Variants in GABRA2 observed in about 807,000 individuals in gnomAD.
GABRA2 encodes gamma-aminobutyric acid type A receptor subunit alpha2, also known as gamma-aminobutyric acid receptor subunit alpha-2.
A neutral mutation model predicts 48.7 loss-of-function variants in GABRA2; 16 were observed. That is an observed-to-expected ratio of 0.33 (90% CI 0.22 to 0.50). GABRA2 has a LOEUF of 0.50. GABRA2 is among the 20% of genes least tolerant of loss of function. The pLI, the probability that GABRA2 is intolerant of heterozygous loss-of-function variation, is 0.98. For synonymous variants in GABRA2, 185 were observed against 184.5 expected (o/e 1.00, Z -0.02); for missense variants, 275 against 535.6 (o/e 0.51, Z 4.80).
chr4:46,265,651 T>G (rs1485771483), intron 8 of GABRA2, among the ~76,000 whole-genome samples: 1 of 151,310 alleles, frequency 6.6e-6, no homozygotes, highest in Non-Finnish European at 1.5e-5. Flanking sequence ...GTGTGGTAAT[T>G]TTTTCTATTT....
chr4:46,327,003 G>T (rs1730503857), intron 4 of GABRA2, among the ~76,000 whole-genome samples: 1 of 151,780 alleles, frequency 6.6e-6, no homozygotes, highest in African/African-American at 2.4e-5. Flanking sequence ...ACCCCACAGA[G>T]AACTTTTAAA....
intron 8 of GABRA2, among the ~76,000 whole-genome samples, chr4:46,294,079 C>A (rs1235012442): frequency 6.6e-6 from 1 of 152,196 alleles, no homozygotes; most frequent in Non-Finnish European, 1.5e-5. Context: ...CTTCAGCTGG[C>A]AAGGCCAGCA....
At chr4:46,274,133 C>A (rs1472210270) in intron 8 of GABRA2, among the ~76,000 whole-genome samples, 3 of 152,004 alleles carry the variant, frequency 2.0e-5, no homozygotes, top group African/African-American at 7.2e-5. Flanking sequence ...ATGAACATTT[C>A]TATGTATTAA....
At chr4:46,321,008 A>C (rs1729356944) in intron 4 of GABRA2, among the ~76,000 whole-genome samples, 2 of 151,968 alleles carry the variant, frequency 1.3e-5, no homozygotes, top group African/African-American at 4.8e-5. Context: ...TAAATTATTT[A>C]AACATAATAT....
intron 4 of GABRA2, among the ~76,000 whole-genome samples, chr4:46,328,735 C>T (rs902107745): frequency 6.6e-6 from 1 of 152,078 alleles, no homozygotes; most frequent in Non-Finnish European, 1.5e-5. Flanking sequence ...CCCACTAACT[C>T]GTCATCTAGC....
chr4:46,269,970 T>G (rs569051619), intron 8 of GABRA2, among the ~76,000 whole-genome samples: 3 of 152,056 alleles, frequency 2.0e-5, no homozygotes, highest in African/African-American at 7.2e-5. Flanking sequence ...TCTTGGAATA[T>G]CTGATGGTTG....
At chr4:46,376,517 G>A (rs1305650740) in intron 3 of GABRA2, among the ~76,000 whole-genome samples, 3 of 152,068 alleles carry the variant, frequency 2.0e-5, no homozygotes, top group East Asian at 1.9e-4. Flanking sequence ...TCACAACAGC[G>A]ATGGTTGAAA....
chr4:46,285,881 T>A (rs1227072631), intron 8 of GABRA2, among the ~76,000 whole-genome samples: 1 of 152,104 alleles, frequency 6.6e-6, no homozygotes, highest in African/African-American at 2.4e-5. Context: ...AGAAGATTCT[T>A]CTTACTCCTG....
Position 46,243,902 on chromosome 4 carries a change from T to G in GABRA2, c.*6406A>C, listed in dbSNP as rs1713223153. 1 of 151,618 alleles carries G rather than the reference T, an allele frequency of 6.6e-6. No individual in the cohort carries two copies. Among genetic ancestry groups the G allele is most frequent in the African/African-American group, 2.4e-5 (1 of 41,400 alleles). The allele number at this position is 151,618 out of a possible 1,614,324, so 9.4% of individuals were successfully genotyped here. A position where few individuals can be genotyped will look rare whatever the true frequency, so the allele number is the denominator to read the frequency against. ...TTATTCCTTTTATTTTCTATTCAAA[T>G]GTAGCAATAAGTATGACATTTTTTA... is the stretch of plus-strand genomic sequence containing the variant. On this transcript the variant is annotated 3_prime_UTR_variant, in exon 10 of 10. Coordinates refer to ENST00000381620, the MANE Select transcript of GABRA2 (RefSeq NM_000807.4).
At chr4:46,312,793 T>C (rs2109693349) in intron 4 of GABRA2, 77 bp from the exon 5 acceptor site, 1 of 714,402 alleles carries the variant, frequency 1.4e-6, no homozygotes, top group East Asian at 2.8e-5. Flanking sequence ...CAAAATAATA[T>C]TCTAATTAAT....
chr4:46,319,364 T>C (rs139358477), intron 4 of GABRA2, among the ~76,000 whole-genome samples: 124 of 151,860 alleles, frequency 8.2e-4, no homozygotes, highest in African/African-American at 2.8e-3. Flanking sequence ...CTCTTGTGGC[T>C]AATAAAGGCT....
intron 6 of GABRA2, among the ~76,000 whole-genome samples, chr4:46,306,760 T>C (rs550839953): frequency 5.3e-5 from 8 of 152,186 alleles, no homozygotes; most frequent in South Asian, 2.1e-4. Context: ...TCTAGGACAC[T>C]GGAAATCTCA....
chr4:46,287,322 C>A (rs1722744403), intron 8 of GABRA2, among the ~76,000 whole-genome samples: 1 of 152,028 alleles, frequency 6.6e-6, no homozygotes, highest in South Asian at 2.1e-4. Flanking sequence ...TATTCAGGCT[C>A]TTTTTTGGTT....
intron 8 of GABRA2, among the ~76,000 whole-genome samples, chr4:46,265,884 C>A (rs1577823223): frequency 6.6e-6 from 1 of 151,966 alleles, no homozygotes; most frequent in African/African-American, 2.4e-5. Context: ...TGTTTCCATT[C>A]ATCTTATTTT....
chr4:46,281,541 C>T (rs752812305), intron 8 of GABRA2, among the ~76,000 whole-genome samples: 19 of 152,226 alleles, frequency 1.2e-4, no homozygotes, highest in Non-Finnish European at 2.4e-4. Context: ...CAAGACATTG[C>T]ATTTCTCATT....
At position 46,246,453 on chromosome 4, in the gene GABRA2, T is replaced by C. The variant is rs1379541750; in HGVS notation, c.*3855A>G. On this transcript the variant is annotated 3_prime_UTR_variant, in exon 10 of 10. Coordinates refer to ENST00000381620, the MANE Select transcript of GABRA2 (RefSeq NM_000807.4). ...TGTCCATGTTTCTCAAGCATGCAGA[T>C]GTCAAAAATAACTGCACCCCTCCCC... Among the ~76,000 whole-genome samples the C allele has an allele frequency of 6.6e-6, 1 of 151,132 alleles. No homozygotes were observed. The highest frequency in any genetic ancestry group is 1.5e-5 in the Non-Finnish European group (1 of 67,422).
At chr4:46,279,643 A>G (rs1162394203) in intron 8 of GABRA2, among the ~76,000 whole-genome samples, 1 of 152,074 alleles carries the variant, frequency 6.6e-6, no homozygotes, top group African/African-American at 2.4e-5. Flanking sequence ...TCAAATATAT[A>G]TTTCACAGTA....
rs1034860870 is a variant in GABRA2 at position 46,389,941 on chromosome 4, G to T, written c.-217C>A. ...GAGGAGCGCTAGGAGCCGCGGCGGC[G>T]GCGCGAGGTGTAGAAGGAGGCGAAG... On this transcript the variant is annotated 5_prime_UTR_variant, in exon 1 of 10. Coordinates refer to ENST00000381620, the MANE Select transcript of GABRA2 (RefSeq NM_000807.4). 3.0e-6 allele frequency: 3 copies of T among 988,452 alleles called. No homozygotes were observed. The highest frequency in any genetic ancestry group is 1.1e-4 in the East Asian group (1 of 8,794). The allele number at this position is 988,452 out of a possible 1,614,324, so 61.2% of individuals were successfully genotyped here.
At chr4:46,384,586 T>G (rs1024856206) in intron 3 of GABRA2, among the ~76,000 whole-genome samples, 2 of 152,206 alleles carry the variant, frequency 1.3e-5, no homozygotes, top group African/African-American at 2.4e-5. Flanking sequence ...AACTTGGATA[T>G]TTTAAAATTT....
Sources: gnomAD v4.1 joint callset for allele counts (sites outside exome capture counted in the v4.1 genomes callset) on GRCh38, gnomAD v4.1.1 for gene constraint, MANE v1.5 for transcripts, NCBI Gene and HGNC (gene_info 2026-07-23, HGNC 2026-07-21) for gene names.